Variants in EPDR1 observed in about 807,000 individuals in gnomAD.
The protein encoded by EPDR1 is ependymin related 1, also known as mammalian ependymin-related protein 1.
A neutral mutation model predicts 23.7 loss-of-function variants in EPDR1; 27 were observed. That is an observed-to-expected ratio of 1.14 (90% CI 0.84 to 1.57). The LOEUF (loss-of-function observed/expected upper bound fraction) is 1.57, where lower values mean the gene tolerates loss of function less well. EPDR1 is among the 40% of genes most tolerant of loss of function. EPDR1 has a pLI of 0.00. For missense variants in EPDR1, 349 were observed against 290.4 expected (o/e 1.20, Z -1.47); for synonymous variants, 137 against 118.2 (o/e 1.16, Z -1.03).
rs1786380739 is a variant in EPDR1 at position 37,950,473 on chromosome 7, A to G, written c.*77A>G. 1.0e-5 allele frequency: 13 copies of G among 1,264,612 alleles called. No homozygotes were observed. The South Asian group carries it at 2.0e-4, about 19-fold the overall frequency. 78.3% of individuals were successfully genotyped at this position (1,264,612 alleles called of 1,614,324 possible). Reference sequence around the variant, plus strand: ...GCTGGAGATGGATATGAGACTAGTCAAGATGTGAATGCTAATTGGAGAGAA... The same window carrying G: ...GCTGGAGATGGATATGAGACTAGTCGAGATGTGAATGCTAATTGGAGAGAA... On this transcript the variant is annotated 3_prime_UTR_variant, in exon 3 of 3. Coordinates refer to ENST00000199448, the MANE Select transcript of EPDR1 (RefSeq NM_017549.5).
At chr7:37,949,521 C>G (rs1786352664) in intron 2 of EPDR1, among the ~76,000 whole-genome samples, 1 of 152,176 alleles carries the variant, frequency 6.6e-6, no homozygotes, top group Admixed American at 6.5e-5. Context: ...TTTTACCACA[C>G]AGGCATTCAT....
At chr7:37,926,615 T>A (rs1306174713) in intron 1 of EPDR1, 2 of 446,718 alleles carry the variant, frequency 4.5e-6, no homozygotes, top group African/African-American at 4.0e-5. Flanking sequence ...GCCAGTTATT[T>A]TGTAGAATGT....
intron 1 of EPDR1, among the ~76,000 whole-genome samples, chr7:37,937,314 T>C (rs1372223707): frequency 6.6e-6 from 1 of 152,184 alleles, no homozygotes; most frequent in African/African-American, 2.4e-5. Context: ...GATGCATTCC[T>C]TTATAATCTG....
At chr7:37,942,975 G>T (rs957051579) in intron 1 of EPDR1, among the ~76,000 whole-genome samples, 1 of 152,192 alleles carries the variant, frequency 6.6e-6, no homozygotes. Flanking sequence ...AAAACAGGCC[G>T]CTGGCCCGTC....
chr7:37,937,400 C>A (rs1214538632), intron 1 of EPDR1, among the ~76,000 whole-genome samples: 1 of 151,960 alleles, frequency 6.6e-6, no homozygotes. Flanking sequence ...ATGAAAAAGC[C>A]TTTGCATTGT....
In EPDR1 at chr7:37,935,807, T is replaced by G. The variant is rs374774844; in HGVS notation, c.270-13033T>G. Among the ~76,000 whole-genome samples, 13 of 151,580 alleles carry G rather than the reference T, an allele frequency of 8.6e-5. No individual in the cohort carries two copies. The East Asian group carries it at 2.5e-3, about 29-fold the overall frequency. ...GGTGGGGAGGTGGGACAGTTAGTAG[T>G]ATCTCATAAAATATGAGATGGGAAT... On this transcript the variant is annotated intron_variant, in intron 1 of 2. Transcript: ENST00000199448.
At chr7:37,923,234 A>G (rs928536206) in intron 1 of EPDR1, among the ~76,000 whole-genome samples, 1 of 152,230 alleles carries the variant, frequency 6.6e-6, no homozygotes. Flanking sequence ...GTGAGAACAC[A>G]ATCTTGGAGA....
intron 1 of EPDR1, among the ~76,000 whole-genome samples, chr7:37,944,819 G>A (rs1336508358): frequency 6.6e-6 from 1 of 152,150 alleles, no homozygotes; most frequent in Non-Finnish European, 1.5e-5. Flanking sequence ...TGATCCTGTG[G>A]ATTTGGGGAG....
intron 1 of EPDR1, among the ~76,000 whole-genome samples, chr7:37,941,743 A>G (rs184752340): frequency 1.7e-4 from 26 of 152,342 alleles, no homozygotes; most frequent in Non-Finnish European, 2.6e-4. Flanking sequence ...TTGAACTTTA[A>G]TTGAACTCTG....
At chr7:37,936,039 T>TATACACACAC (rs57925993) in intron 1 of EPDR1, among the ~76,000 whole-genome samples, 1 of 80,940 alleles carries the variant, frequency 1.2e-5, no homozygotes, top group African/African-American at 4.3e-5. Flanking sequence ...TATATATATA[T>TATACACACAC]ACACAAGGGA....
intron 1 of EPDR1, among the ~76,000 whole-genome samples, chr7:37,937,272 A>T (rs1786074083): frequency 6.6e-6 from 1 of 152,230 alleles, no homozygotes; most frequent in Non-Finnish European, 1.5e-5. Flanking sequence ...CTAACAAACA[A>T]AATAAAACCA....
intron 1 of EPDR1, among the ~76,000 whole-genome samples, chr7:37,945,673 T>C (rs1246738030): frequency 1.3e-5 from 2 of 152,202 alleles, no homozygotes; most frequent in Non-Finnish European, 2.9e-5. Context: ...GTGCTGTCAG[T>C]TGTACACAAT....
chr7:37,936,577 G>T (rs1786057583), intron 1 of EPDR1, among the ~76,000 whole-genome samples: 1 of 152,030 alleles, frequency 6.6e-6, no homozygotes, highest in African/African-American at 2.4e-5. Context: ...AGACACAAAA[G>T]ACCTGAACAT....
At chr7:37,939,591 G>A (rs1477463353) in intron 1 of EPDR1, among the ~76,000 whole-genome samples, 1 of 151,852 alleles carries the variant, frequency 6.6e-6, no homozygotes, top group African/African-American at 2.4e-5. Flanking sequence ...ATCCTGTTTA[G>A]GCATGTTATA....
intron 1 of EPDR1, among the ~76,000 whole-genome samples, chr7:37,928,466 T>A (rs760815898): frequency 3.9e-5 from 6 of 152,150 alleles, no homozygotes; most frequent in Non-Finnish European, 7.3e-5. Flanking sequence ...TTAAAGCAAA[T>A]CTCATGCTAA....
chr7:37,931,375 A>G (rs957174162), intron 1 of EPDR1, among the ~76,000 whole-genome samples: 1 of 151,994 alleles, frequency 6.6e-6, no homozygotes, highest in Non-Finnish European at 1.5e-5. Context: ...TTAGCCAGGC[A>G]TGGTGGCATG....
At chr7:37,933,174 CA>C (rs1341689839) in intron 1 of EPDR1, among the ~76,000 whole-genome samples, 1 of 152,374 alleles carries the variant, frequency 6.6e-6, no homozygotes, top group South Asian at 2.1e-4. Flanking sequence ...GCCAGCATGG[CA>C]AGTGGCCGCG....
At chr7:37,946,315 C>G (rs1472234090) in intron 1 of EPDR1, among the ~76,000 whole-genome samples, 1 of 152,172 alleles carries the variant, frequency 6.6e-6, no homozygotes, top group African/African-American at 2.4e-5. Context: ...ACGCTGTCTT[C>G]CACAATGGTT....
intron 1 of EPDR1, among the ~76,000 whole-genome samples, chr7:37,927,021 C>T (rs1246667354): frequency 6.6e-6 from 1 of 152,190 alleles, no homozygotes; most frequent in Non-Finnish European, 1.5e-5. Flanking sequence ...TGTTTGGGCA[C>T]TTCCTTGCTT....
Sources: allele counts gnomAD v4.1 joint callset (sites outside exome capture counted in the v4.1 genomes callset), GRCh38; gene constraint gnomAD v4.1.1; transcripts MANE v1.5; gene names NCBI Gene and HGNC (gene_info 2026-07-23, HGNC 2026-07-21).